GRIK2: variants seen among roughly 807,000 people sequenced by gnomAD.
The protein encoded by GRIK2 is glutamate ionotropic receptor kainate type subunit 2.
In GRIK2, 32 loss-of-function variants were observed where a neutral mutation model predicts 100.3. The ratio of observed to expected loss-of-function variants is 0.32; its 90% CI spans 0.24 to 0.43. GRIK2 has a LOEUF of 0.43. Among genes scored for constraint, GRIK2 ranks in the 20% least tolerant of loss-of-function variants. The pLI is 1.00. For missense variants in GRIK2, 843 were observed against 1,114.9 expected, an observed-to-expected ratio of 0.76 and a Z score of 3.47; for synonymous variants, 417 against 389.4, an observed-to-expected ratio of 1.07 and a Z score of -0.83.
At chr6:101,883,134 G>A (rs1786373563) in intron 11 of GRIK2, among the ~76,000 whole-genome samples, 1 of 151,730 alleles carries the variant, frequency 6.6e-6, no homozygotes, top group African/African-American at 2.4e-5. Flanking sequence ...TGGAGAGATG[G>A]GAGGGTTGAA....
intron 11 of GRIK2, among the ~76,000 whole-genome samples, chr6:101,879,329 G>A (rs1786083655): frequency 6.6e-6 from 1 of 151,956 alleles, no homozygotes; most frequent in Non-Finnish European, 1.5e-5. Context: ...AAAAATACAT[G>A]CTTCTTTGAG....
chr6:101,592,003 A>T (rs1197931269), intron 2 of GRIK2, among the ~76,000 whole-genome samples: 1 of 151,860 alleles, frequency 6.6e-6, no homozygotes, highest in African/African-American at 2.4e-5. Context: ...TGGTGAACGA[A>T]TTCTTGCTCA....
chr6:101,495,554 AT>A (rs1175158557), intron 2 of GRIK2, among the ~76,000 whole-genome samples: 1 of 152,086 alleles, frequency 6.6e-6, no homozygotes, highest in Non-Finnish European at 1.5e-5. Context: ...ATAAAATTGG[AT>A]TGGTTTCCAT....
rs141372024 is a variant in GRIK2 at position 101,702,997 on chromosome 6, C to T, written c.951+16644C>T. Among the ~76,000 whole-genome samples the T allele has an allele frequency of 1.3e-4, 19 of 151,912 alleles. No homozygotes were observed. In the East Asian group the frequency reaches 3.7e-3, roughly 30 times the overall value. ...TTGAATTGCCTATTAGATATCCAAG[C>T]AGGAATATGCAGTTTTGTTTACTAG... On this transcript the variant is annotated intron_variant, in intron 7 of 16. Transcript: ENST00000369134.
intron 4 of GRIK2, among the ~76,000 whole-genome samples, chr6:101,656,964 T>C (rs1032154112): frequency 3.3e-5 from 5 of 152,244 alleles, no homozygotes; most frequent in African/African-American, 4.8e-5. Context: ...AGGGTTTAAA[T>C]CTGGCTTTGC....
intron 2 of GRIK2, among the ~76,000 whole-genome samples, chr6:101,609,446 T>C (rs1439178276): frequency 2.0e-5 from 3 of 151,882 alleles, no homozygotes; most frequent in Non-Finnish European, 4.4e-5. Context: ...ACTCATGTCA[T>C]TTTGTAATTA....
At chr6:101,703,660 A>T (rs909003704) in intron 7 of GRIK2, among the ~76,000 whole-genome samples, 2 of 151,728 alleles carry the variant, frequency 1.3e-5, no homozygotes, top group South Asian at 2.1e-4. Flanking sequence ...AGTCACATAA[A>T]TTTTTTTTAA....
chr6:101,670,944 G>A (rs999978950), intron 4 of GRIK2, among the ~76,000 whole-genome samples: 4 of 152,136 alleles, frequency 2.6e-5, no homozygotes, highest in Non-Finnish European at 5.9e-5. Context: ...AAGCCACACG[G>A]ATTGTAAAAT....
intron 2 of GRIK2, among the ~76,000 whole-genome samples, chr6:101,455,429 C>G (rs1011791947): frequency 6.6e-6 from 1 of 151,898 alleles, no homozygotes; most frequent in Admixed American, 6.6e-5. Flanking sequence ...GGATGATAAC[C>G]TTTTTAAACT....
chr6:101,456,134 A>G (rs1254905486), intron 2 of GRIK2, among the ~76,000 whole-genome samples: 3 of 150,750 alleles, frequency 2.0e-5, no homozygotes, highest in African/African-American at 7.3e-5. Flanking sequence ...TTTTTTTTTA[A>G]AAAAAGAGAA....
At chr6:101,553,722 A>T (rs752278660) in intron 2 of GRIK2, among the ~76,000 whole-genome samples, 1 of 152,232 alleles carries the variant, frequency 6.6e-6, no homozygotes, top group Non-Finnish European at 1.5e-5. Context: ...TGGGGCAAAG[A>T]TGTTTGAGGA....
Position 101,441,364 on chromosome 6 carries a change from T to TAAAC in GRIK2, c.115+41988_115+41991dup, listed in dbSNP as rs979629041. 1.3e-3 allele frequency among the ~76,000 whole-genome samples: 197 copies of TAAAC among 152,260 alleles called. 1 individual carries two copies. Among genetic ancestry groups the TAAAC allele is most frequent in the African/African-American group, 4.4e-3 (181 of 41,556 alleles). ...TTTTGTTCTGATACCACAGTGTAAG[T>TAAAC]AAACAAACAAACAAACAAAAAGCAG... On this transcript the variant is annotated intron_variant, in intron 2 of 16. Coordinates refer to ENST00000369134, the MANE Select transcript of GRIK2 (RefSeq NM_021956.5).
intron 2 of GRIK2, among the ~76,000 whole-genome samples, chr6:101,413,252 C>G (rs1384174851): frequency 6.6e-6 from 1 of 151,940 alleles, no homozygotes; most frequent in East Asian, 1.9e-4. Context: ...TCTCTCTCAC[C>G]CCTCCCTCCC....
rs9498702 is a variant in GRIK2, at chr6:101,782,926, A to C, written c.952-16722A>C. On this transcript the variant is annotated intron_variant, in intron 7 of 16. Coordinates refer to ENST00000369134, the MANE Select transcript of GRIK2 (RefSeq NM_021956.5). ...GGCTGGAGTGCAGTGGTGCGATCTC[A>C]GCTCACTGCAAGCTCCGCCTCCCGG... Among the ~76,000 whole-genome samples the C allele has an allele frequency of 5.6e-4, 81 of 145,534 alleles. 2 individuals carry two copies. The South Asian group carries it at 0.017, about 31-fold the overall frequency.
chr6:101,491,785 T>C (rs1773125873), intron 2 of GRIK2, among the ~76,000 whole-genome samples: 1 of 151,994 alleles, frequency 6.6e-6, no homozygotes, highest in African/African-American at 2.4e-5. Context: ...TATTATCTCA[T>C]GCTAATCTAC....
chr6:101,522,929 A>G (rs1051697190), intron 2 of GRIK2, among the ~76,000 whole-genome samples: 19 of 150,474 alleles, frequency 1.3e-4, no homozygotes, highest in African/African-American at 4.6e-4. Flanking sequence ...TGTGTTATAT[A>G]TTTAATCTAT....
At chr6:101,446,412 G>A (rs906409518) in intron 2 of GRIK2, among the ~76,000 whole-genome samples, 1 of 151,688 alleles carries the variant, frequency 6.6e-6, no homozygotes, top group African/African-American at 2.4e-5. Context: ...TCCTTATTAC[G>A]ACGATAATAA....
intron 2 of GRIK2, among the ~76,000 whole-genome samples, chr6:101,523,351 C>CATGATCTCT (rs1774978202): frequency 6.6e-6 from 1 of 152,104 alleles, no homozygotes; most frequent in Non-Finnish European, 1.5e-5. Context: ...AGGAATGAGG[C>CATGATCTCT]ATGATCTCTG....
At chr6:101,665,929 G>A (rs1454724423) in intron 4 of GRIK2, among the ~76,000 whole-genome samples, 1 of 152,092 alleles carries the variant, frequency 6.6e-6, no homozygotes, top group Non-Finnish European at 1.5e-5. Flanking sequence ...TACAGAGATG[G>A]AGAACTAGTT....
Sources: allele counts gnomAD v4.1 joint callset (sites outside exome capture counted in the v4.1 genomes callset), GRCh38; gene constraint gnomAD v4.1.1; transcripts MANE v1.5; gene names NCBI Gene and HGNC (gene_info 2026-07-23, HGNC 2026-07-21).